RGS12: variants seen among roughly 807,000 people sequenced by gnomAD.
RGS12 encodes regulator of G-protein signaling 12.
RGS12 carries 66 observed loss-of-function variants against 120.1 expected under a neutral mutation model. The ratio of observed to expected loss-of-function variants is 0.55; its 90% CI spans 0.45 to 0.67. The LOEUF (loss-of-function observed/expected upper bound fraction) is 0.67, where lower values mean the gene tolerates loss of function less well. Ranked by LOEUF, RGS12 falls within the 30% of genes least tolerant of loss-of-function variation. The pLI is 0.00. For missense variants in RGS12, 1,859 were observed against 1,957.7 expected (o/e 0.95, Z 0.95); for synonymous variants, 827 against 804.7 (o/e 1.03, Z -0.47).
intron 3 of RGS12, among the ~76,000 whole-genome samples, chr4:3,347,777 C>G (rs1713959789): frequency 6.6e-6 from 1 of 152,102 alleles, no homozygotes; most frequent in African/African-American, 2.4e-5. Context: ...AACAGAATAG[C>G]TATGGTTTAA....
At chr4:3,331,210 A>G (rs1711800954) in intron 2 of RGS12, among the ~76,000 whole-genome samples, 1 of 152,230 alleles carries the variant, frequency 6.6e-6, no homozygotes, top group South Asian at 2.1e-4. Context: ...CACCCCTCAA[A>G]GAAACCTATA....
At chr4:3,307,710 G>C (rs911553553) in intron 1 of RGS12, among the ~76,000 whole-genome samples, 2 of 152,194 alleles carry the variant, frequency 1.3e-5, no homozygotes, top group South Asian at 4.1e-4. Context: ...ACTGTGCCTG[G>C]CATGGAGAGA....
intron 4 of RGS12, among the ~76,000 whole-genome samples, chr4:3,407,914 A>G (rs1359272198): frequency 6.6e-6 from 1 of 152,236 alleles, no homozygotes; most frequent in Admixed American, 6.5e-5. Context: ...CAGCAAATCT[A>G]AACAGACTTT....
Position 3,390,448 on chromosome 4 carries a change from C to T in RGS12, c.2020+4011C>T, listed in dbSNP as rs559142568. Among the ~76,000 whole-genome samples, 3 of 152,314 alleles carry T rather than the reference C, an allele frequency of 2.0e-5. No homozygotes were observed. The highest frequency in any genetic ancestry group is 2.1e-4 in the South Asian group (1 of 4,826). ...CCAGAGCGTCAGGGCGAGGCTTGGG[C>T]GGGGACAGTGGCTTTCAGTGATTTT... On this transcript the variant is annotated intron_variant, in intron 4 of 17. Transcript: ENST00000336727. The surrounding 1 kb of genome is among the most constrained non-coding windows in gnomAD (Gnocchi z 4.6).
At chr4:3,425,142 A>G (rs114980649) in intron 13 of RGS12, among the ~76,000 whole-genome samples, 78 of 152,310 alleles carry the variant, frequency 5.1e-4, no homozygotes, top group African/African-American at 1.7e-3. Context: ...TGCTCTCAGT[A>G]TTCCCCTCAT....
At chr4:3,370,395 G>A (rs1716846298) in intron 3 of RGS12, 4 of 1,409,060 alleles carry the variant, frequency 2.8e-6, no homozygotes, top group African/African-American at 1.4e-5. Context: ...TCCTGTTTTA[G>A]CGAGTGGCAG....
At chr4:3,425,340 T>G in intron 13 of RGS12, 124 bp from the exon 14 acceptor site, 1 of 848,734 alleles carries the variant, frequency 1.2e-6, no homozygotes, top group Non-Finnish European at 2.0e-6. Context: ...AGGCCTCACC[T>G]CGGGGCCATC....
chr4:3,420,098 G>A (rs1722840045), intron 9 of RGS12, among the ~76,000 whole-genome samples: 2 of 152,330 alleles, frequency 1.3e-5, no homozygotes, highest in South Asian at 2.1e-4. Flanking sequence ...GTTAGTTGAG[G>A]TTGGTGAAAA....
At position 3,384,237 on chromosome 4, in the gene RGS12, C is replaced by T. The variant is rs1243229500; in HGVS notation, c.1999-2179C>T. 2.6e-5 allele frequency among the ~76,000 whole-genome samples: 4 copies of T among 152,230 alleles called. No individual in the cohort carries two copies. In the East Asian group the frequency reaches 7.7e-4, roughly 29 times the overall value. The stretch of plus-strand genomic sequence containing the variant: ...TGGCACGATCTCGGCTCATTGCAAC[C>T]TCTACCTCCCGGGTTCAAGCGATTC... On this transcript the variant is annotated intron_variant, in intron 3 of 17. Transcript: ENST00000336727.
At chr4:3,411,425 T>C (rs1363813658) in intron 4 of RGS12, among the ~76,000 whole-genome samples, 1 of 152,254 alleles carries the variant, frequency 6.6e-6, no homozygotes, top group African/African-American at 2.4e-5. Flanking sequence ...GTGTTCGGGA[T>C]TGTGGTCTGT....
chr4:3,420,600 A>G (rs746217718), intron 9 of RGS12, 42 bp from the exon 10 acceptor site: 16 of 1,598,930 alleles, frequency 1.0e-5, no homozygotes, highest in Non-Finnish European at 1.1e-5. Context: ...CCGAATAAAC[A>G]GGGTTCTGAT....
chr4:3,407,894 T>C (rs1317170636), intron 4 of RGS12, among the ~76,000 whole-genome samples: 1 of 152,232 alleles, frequency 6.6e-6, no homozygotes, highest in African/African-American at 2.4e-5. Context: ...ATGGCGGCTT[T>C]TCCAATTAGC....
intron 2 of RGS12, among the ~76,000 whole-genome samples, chr4:3,320,002 C>T (rs990844928): frequency 1.3e-5 from 2 of 152,240 alleles, no homozygotes; most frequent in Admixed American, 1.3e-4. Context: ...TCTTTGGAAT[C>T]AGGAGATTCC....
intron 2 of RGS12, among the ~76,000 whole-genome samples, chr4:3,326,255 CT>C (rs1045216449): frequency 1.3e-5 from 2 of 151,558 alleles, no homozygotes; most frequent in Non-Finnish European, 2.9e-5. Flanking sequence ...ATGACATAAT[CT>C]TTTTTTTTGA....
At chr4:3,428,776 G>A in intron 16 of RGS12, 65 bp downstream of exon 16, 1 of 1,393,166 alleles carries the variant, frequency 7.2e-7, no homozygotes, top group African/African-American at 1.4e-5. Flanking sequence ...AGTATAGTCA[G>A]TAGATCTGCT....
intron 6 of RGS12, among the ~76,000 whole-genome samples, chr4:3,415,187 G>A (rs796440651): frequency 2.0e-5 from 3 of 151,106 alleles, no homozygotes; most frequent in South Asian, 2.1e-4. Context: ...ATAGGGCCGC[G>A]TGTGAGAGGG....
chr4:3,348,031 T>C (rs1206381995), intron 3 of RGS12, among the ~76,000 whole-genome samples: 1 of 152,242 alleles, frequency 6.6e-6, no homozygotes, highest in Non-Finnish European at 1.5e-5. Flanking sequence ...ACGTACCAGA[T>C]AAGTCTTTGT....
chr4:3,365,237 C>T lies in RGS12; in HGVS notation c.1999-21179C>T, dbSNP rs756467456. Among the ~76,000 whole-genome samples, 50 of 152,174 alleles carry T rather than the reference C, an allele frequency of 3.3e-4. No homozygotes were observed. Among genetic ancestry groups the T allele is most frequent in the Non-Finnish European group, 5.7e-4 (39 of 68,030 alleles). On this transcript the variant is annotated intron_variant, in intron 3 of 17. Coordinates refer to ENST00000336727, the MANE Select transcript of RGS12 (RefSeq NM_001394154.1). This position sits in a 1 kb window ranked among gnomAD's most constrained non-coding sequence, Gnocchi z 4.0. ...CTGCCTGTTCTTGTAAATAGAGTCT[C>T]CCTGGGCTGCAGTTCCGTCTGCTGT...
chr4:3,417,207 G>A (rs1175265599), intron 8 of RGS12, 115 bp downstream of exon 8: 11 of 1,338,086 alleles, frequency 8.2e-6, no homozygotes, highest in South Asian at 1.5e-5. Context: ...GGTGGGTGAC[G>A]CTCCATGCTG....
Sources: gnomAD v4.1 joint callset for allele counts (sites outside exome capture counted in the v4.1 genomes callset) on GRCh38, gnomAD v4.1.1 for gene constraint, Gnocchi (gnomAD v3.1) non-coding constraint, MANE v1.5 for transcripts, NCBI Gene and HGNC (gene_info 2026-07-23, HGNC 2026-07-21) for gene names.